Variants in SLC24A2 observed in about 807,000 individuals in gnomAD.
SLC24A2 encodes solute carrier family 24 member 2.
In SLC24A2, 36 loss-of-function variants were observed where a neutral mutation model predicts 62.0. That is an observed-to-expected ratio of 0.58 (90% CI 0.44 to 0.77). The LOEUF is 0.77. Among genes scored for constraint, SLC24A2 ranks in the 30% least tolerant of loss-of-function variants. The pLI is 0.00. For synonymous variants in SLC24A2, 358 were observed against 294.0 expected, an observed-to-expected ratio of 1.22 and a Z score of -2.23; for missense variants, 846 against 817.9, an observed-to-expected ratio of 1.03 and a Z score of -0.42.
intron 2 of SLC24A2, among the ~76,000 whole-genome samples, chr9:19,768,459 G>C (rs1000061124): frequency 5.9e-5 from 9 of 152,052 alleles, no homozygotes; most frequent in Admixed American, 2.6e-4. Flanking sequence ...TATCAGAGGA[G>C]GATATGTCCC....
chr9:20,080,720 A>T, the SLC24A2 span, among the ~76,000 whole-genome samples: 1 of 152,164 alleles, frequency 6.6e-6, no homozygotes, highest in African/African-American at 2.4e-5. Flanking sequence ...ATTTTTGCAA[A>T]CTACTCATCT....
chr9:20,126,518 C>T, the SLC24A2 span, among the ~76,000 whole-genome samples: 2 of 152,080 alleles, frequency 1.3e-5, no homozygotes, highest in South Asian at 4.1e-4. Flanking sequence ...TCCATAAATT[C>T]TTTTTAGAAT....
chr9:20,289,141 C>T, the SLC24A2 span, among the ~76,000 whole-genome samples: 1 of 152,132 alleles, frequency 6.6e-6, no homozygotes, highest in Non-Finnish European at 1.5e-5. Context: ...AAACATAGGT[C>T]ATCATTAGTT....
In SLC24A2 at chr9:19,573,048, C is replaced by A. The variant is rs1835884612; in HGVS notation, c.1347+303G>T. On this transcript the variant is annotated intron_variant, in intron 7 of 10. Transcript: ENST00000341998. ...TTCCCAGTGATCCTGTTTCACCACA[C>A]CTGGTATATGGCCCAGGGATCTACA... 2.0e-5 allele frequency among the ~76,000 whole-genome samples: 3 copies of A among 152,194 alleles called. No individual in the cohort carries two copies. The South Asian group carries it at 6.2e-4, about 31-fold the overall frequency.
chr9:19,516,687 T>A (rs904047574), intron 10 of SLC24A2, among the ~76,000 whole-genome samples: 4 of 152,222 alleles, frequency 2.6e-5, no homozygotes, highest in African/African-American at 9.6e-5. Flanking sequence ...TTTGCGAATT[T>A]GACTGGAAAT....
the SLC24A2 span, among the ~76,000 whole-genome samples, chr9:20,275,960 C>T: frequency 6.6e-6 from 1 of 152,114 alleles, no homozygotes; most frequent in Admixed American, 6.5e-5. Flanking sequence ...ATACAATTAC[C>T]TCCTACCGGG....
At chr9:19,804,108 T>C in the SLC24A2 span, among the ~76,000 whole-genome samples, 2 of 152,166 alleles carry the variant, frequency 1.3e-5, no homozygotes, top group Admixed American at 1.3e-4. Context: ...TCAGGGTCTC[T>C]TGCATTTACA....
At chr9:20,036,250 G>A in the SLC24A2 span, among the ~76,000 whole-genome samples, 1 of 152,230 alleles carries the variant, frequency 6.6e-6, no homozygotes, top group South Asian at 2.1e-4. Flanking sequence ...GTGATGCTAT[G>A]ATTTTTTAAT....
At chr9:20,009,283 G>C in the SLC24A2 span, among the ~76,000 whole-genome samples, 1 of 151,714 alleles carries the variant, frequency 6.6e-6, no homozygotes, top group Admixed American at 6.6e-5. Flanking sequence ...TACTCTGGAG[G>C]CTGAGGCATG....
At chr9:20,215,198 T>TAGACCC in the SLC24A2 span, among the ~76,000 whole-genome samples, 1 of 152,214 alleles carries the variant, frequency 6.6e-6, no homozygotes, top group Non-Finnish European at 1.5e-5. Context: ...TAGCTAGCTC[T>TAGACCC]CTTGGGTCTC....
At chr9:19,768,625 G>T (rs570072087) in intron 2 of SLC24A2, among the ~76,000 whole-genome samples, 1 of 152,264 alleles carries the variant, frequency 6.6e-6, no homozygotes, top group East Asian at 1.9e-4. Context: ...TCACATTCTG[G>T]GTGGGACAGA....
the SLC24A2 span, among the ~76,000 whole-genome samples, chr9:19,869,235 A>ATG: frequency 6.6e-6 from 1 of 151,834 alleles, no homozygotes; most frequent in Non-Finnish European, 1.5e-5. Flanking sequence ...CCTGCCTCGG[A>ATG]CTCCCAAGAT....
At chr9:19,775,452 G>A (rs1211937599) in intron 2 of SLC24A2, among the ~76,000 whole-genome samples, 1 of 152,184 alleles carries the variant, frequency 6.6e-6, no homozygotes, top group African/African-American at 2.4e-5. Context: ...ACATGGTTTG[G>A]TGAGTGTTGG....
chr9:20,248,623 C>A, the SLC24A2 span, among the ~76,000 whole-genome samples: 1 of 152,156 alleles, frequency 6.6e-6, no homozygotes, highest in Non-Finnish European at 1.5e-5. Context: ...AAAGGCTCCA[C>A]CTCTGAATAC....
the SLC24A2 span, among the ~76,000 whole-genome samples, chr9:19,861,201 G>A: frequency 2.0e-5 from 3 of 152,132 alleles, no homozygotes; most frequent in Non-Finnish European, 2.9e-5. Flanking sequence ...GGGGGTGCTT[G>A]TGTCACTCCA....
chr9:19,881,376 G>A, the SLC24A2 span, among the ~76,000 whole-genome samples: 1 of 152,182 alleles, frequency 6.6e-6, no homozygotes, highest in African/African-American at 2.4e-5. Context: ...CTGTTGACAG[G>A]TTAAATAAGA....
chr9:20,018,745 T>A, the SLC24A2 span, among the ~76,000 whole-genome samples: 1 of 152,076 alleles, frequency 6.6e-6, no homozygotes, highest in Non-Finnish European at 1.5e-5. Context: ...TAGGTATTAT[T>A]ATTATTACTA....
chr9:19,693,698 G>C (rs1290349278), intron 2 of SLC24A2, among the ~76,000 whole-genome samples: 1 of 152,018 alleles, frequency 6.6e-6, no homozygotes, highest in Non-Finnish European at 1.5e-5. Context: ...GTTTCATTTT[G>C]TTTTTAAGAT....
chr9:19,563,087 T>C (rs1017469953), intron 7 of SLC24A2, among the ~76,000 whole-genome samples: 1 of 152,084 alleles, frequency 6.6e-6, no homozygotes, highest in African/African-American at 2.4e-5. Flanking sequence ...GCCTGGGTGA[T>C]GGTGCAAGAC....
Sources: gnomAD v4.1 joint callset for allele counts (sites outside exome capture counted in the v4.1 genomes callset) on GRCh38, gnomAD v4.1.1 for gene constraint, MANE v1.5 for transcripts, NCBI Gene and HGNC (gene_info 2026-07-23, HGNC 2026-07-21) for gene names.